EDN3: variants seen among roughly 807,000 people sequenced by gnomAD.
EDN3 encodes the protein endothelin-3.
In EDN3, 9 loss-of-function variants were observed where a neutral mutation model predicts 21.4. That is an observed-to-expected ratio of 0.42 (90% CI 0.25 to 0.73). The LOEUF is 0.73. Among genes scored for constraint, EDN3 ranks in the 30% least tolerant of loss-of-function variants. The pLI is 0.26. For missense variants in EDN3, 327 were observed against 309.4 expected (o/e 1.06, Z -0.43); for synonymous variants, 133 against 126.2 (o/e 1.05, Z -0.36).
chr20:59,316,907 T>C (rs1990221721), intron 2 of EDN3, among the ~76,000 whole-genome samples: 1 of 152,198 alleles, frequency 6.6e-6, no homozygotes, highest in South Asian at 2.1e-4. Flanking sequence ...CTAAGGATAT[T>C]TGGATTAATC....
chr20:59,306,555 A>G (rs1348713660), intron 2 of EDN3, among the ~76,000 whole-genome samples: 1 of 140,720 alleles, frequency 7.1e-6, no homozygotes, highest in Non-Finnish European at 1.5e-5. Context: ...CAGGAATGCC[A>G]TTTCTTTTGA....
At chr20:59,309,577 G>A (rs185259427) in intron 2 of EDN3, among the ~76,000 whole-genome samples, 1 of 152,304 alleles carries the variant, frequency 6.6e-6, no homozygotes, top group Admixed American at 6.5e-5. Context: ...CCCTGAGCTT[G>A]AGGTTCTGAC....
rs148724538 is a variant in EDN3, at chr20:59,312,157, A to C, written c.366-8860A>C. On this transcript the variant is annotated intron_variant, in intron 2 of 4. Coordinates refer to ENST00000337938, the MANE Select transcript of EDN3 (RefSeq NM_207034.3). Reference sequence around the variant, plus strand: ...CCTGTCTGTCTGCAGCTTTGCATAAAGTTATAATGAGGCTGGGCCAGGCAG... The same window carrying C: ...CCTGTCTGTCTGCAGCTTTGCATAACGTTATAATGAGGCTGGGCCAGGCAG... 2.0e-5 allele frequency among the ~76,000 whole-genome samples: 3 copies of C among 152,248 alleles called. No individual in the cohort carries two copies. In the East Asian group the frequency reaches 5.8e-4, roughly 29 times the overall value.
chr20:59,303,827 A>T (rs1989212965), intron 2 of EDN3, among the ~76,000 whole-genome samples: 1 of 152,034 alleles, frequency 6.6e-6, no homozygotes, highest in South Asian at 2.1e-4. Flanking sequence ...CTGAAGTGTG[A>T]TTTACCTCTT....
rs905373892 is a variant in EDN3 at position 59,305,183 on chromosome 20, A to G, written c.365+3461A>G. ...AGGCTGCTGGGATCACAGTTCATCA[A>G]TGGGATAGCATGATTTCCATTAGCC... On this transcript the variant is annotated intron_variant, in intron 2 of 4. Transcript: ENST00000337938. This position sits in a 1 kb window ranked among gnomAD's most constrained non-coding sequence, Gnocchi z 4.2. Among the ~76,000 whole-genome samples the G allele has an allele frequency of 1.3e-5, 2 of 152,182 alleles. No individual in the cohort carries two copies. The highest frequency in any genetic ancestry group is 2.9e-5 in the Non-Finnish European group (2 of 68,032).
rs1038241486 is a variant in EDN3, at chr20:59,325,375, G to A, written c.*916G>A. ...ATATAAATTGGCAACAACTTATACC[G>A]TCTGACAGTTCAAAATCTCTTTCAG... On this transcript the variant is annotated 3_prime_UTR_variant, in exon 5 of 5. Transcript: ENST00000337938. 9 of 152,452 alleles carry A rather than the reference G, an allele frequency of 5.9e-5. No homozygotes were observed. The highest frequency in any genetic ancestry group is 2.0e-4 in the Admixed American group (3 of 15,270). 9.4% of individuals were successfully genotyped at this position (152,452 alleles called of 1,614,324 possible).
rs753482233 is a variant in EDN3 at position 59,321,123 on chromosome 20, C to T, written c.472C>T (p.Arg158Cys). 6 of 1,614,232 alleles carry T rather than the reference C, an allele frequency of 3.7e-6. No individual in the cohort carries two copies. Among genetic ancestry groups the T allele is most frequent in the South Asian group, 1.1e-5 (1 of 91,084 alleles). ...NLQLSHRPHL[R>C]CACVGRYDKA... The stretch of plus-strand genomic sequence containing the variant: ...GCAGCTCTCACATCGGCCACACTTG[C>T]GCTGCGCTTGTGTGGGGAGATATGA... The change falls in exon 3 of 5, where the codon CGC becomes TGC. Residue 158 changes from arginine to cysteine, a missense_variant. Arg to Cys is a radical substitution (Grantham distance 180). Coordinates refer to ENST00000337938, the MANE Select transcript of EDN3 (RefSeq NM_207034.3).
At chr20:59,316,992 T>C (rs1262918872) in intron 2 of EDN3, among the ~76,000 whole-genome samples, 1 of 152,200 alleles carries the variant, frequency 6.6e-6, no homozygotes, top group Non-Finnish European at 1.5e-5. Context: ...GCTGCCTACT[T>C]GTATAAAGGA....
chr20:59,305,992 C>T lies in EDN3; in HGVS notation c.365+4270C>T, dbSNP rs1358127164. Among the ~76,000 whole-genome samples the T allele has an allele frequency of 9.9e-5, 15 of 152,162 alleles. No homozygotes were observed. The highest frequency in any genetic ancestry group is 2.1e-4 in the Non-Finnish European group (14 of 68,032). On this transcript the variant is annotated intron_variant, in intron 2 of 4. Transcript: ENST00000337938. The surrounding 1 kb of genome is among the most constrained non-coding windows in gnomAD (Gnocchi z 4.2). ...TGTCAGCTCGAACCACATTTCATGG[C>T]GGACCAGCCCCTCAGAGCCTGGCTG... is the stretch of plus-strand genomic sequence containing the variant.
intron 2 of EDN3, among the ~76,000 whole-genome samples, chr20:59,310,522 T>C (rs188148458): frequency 1.5e-3 from 221 of 152,286 alleles, no homozygotes; most frequent in African/African-American, 4.8e-3. Context: ...TCAGCTCTCT[T>C]TCTCATCTGC....
At chr20:59,302,790 C>T (rs1213659011) in intron 2 of EDN3, among the ~76,000 whole-genome samples, 2 of 152,174 alleles carry the variant, frequency 1.3e-5, no homozygotes, top group South Asian at 2.1e-4. Flanking sequence ...GCCACCGTGT[C>T]CCGGAGCCGT....
chr20:59,318,522 G>A (rs1009166605), intron 2 of EDN3, among the ~76,000 whole-genome samples: 1 of 152,194 alleles, frequency 6.6e-6, no homozygotes, highest in African/African-American at 2.4e-5. Context: ...CAATGTCAGC[G>A]GCAGGCTCTG....
intron 2 of EDN3, among the ~76,000 whole-genome samples, chr20:59,315,800 A>G (rs1463453495): frequency 1.3e-5 from 2 of 152,152 alleles, no homozygotes. Flanking sequence ...CTCTGAGATC[A>G]TTACCCGGCT....
At chr20:59,313,512 G>A (rs1600739163) in intron 2 of EDN3, among the ~76,000 whole-genome samples, 2 of 152,282 alleles carry the variant, frequency 1.3e-5, no homozygotes, top group Admixed American at 1.3e-4. Context: ...AAATCCAAAG[G>A]TTTTTTGAGG....
intron 2 of EDN3, among the ~76,000 whole-genome samples, chr20:59,303,061 GACACGTGC>G (rs1471163202): frequency 2.6e-5 from 4 of 152,228 alleles, no homozygotes; most frequent in African/African-American, 9.6e-5. Context: ...GAGCCAGCAG[GACACGTGC>G]ACAAAGTCCT....
At chr20:59,306,775 G>A (rs1206752327) in intron 2 of EDN3, among the ~76,000 whole-genome samples, 2 of 152,090 alleles carry the variant, frequency 1.3e-5, no homozygotes, top group Non-Finnish European at 1.5e-5. Context: ...CCAATAGAAC[G>A]GTTGGATCTG....
intron 2 of EDN3, among the ~76,000 whole-genome samples, chr20:59,314,968 A>G (rs1212503668): frequency 1.3e-5 from 2 of 152,162 alleles, no homozygotes; most frequent in Admixed American, 6.5e-5. Context: ...GAGATTGCAT[A>G]TGTAGGTGTG....
intron 2 of EDN3, among the ~76,000 whole-genome samples, chr20:59,316,274 G>A (rs1375429524): frequency 6.6e-6 from 1 of 152,232 alleles, no homozygotes; most frequent in Non-Finnish European, 1.5e-5. Context: ...AAAAGTGTAT[G>A]TGTGCAGGGC....
chr20:59,312,777 CT>C (rs1433198567), intron 2 of EDN3, among the ~76,000 whole-genome samples: 23 of 152,244 alleles, frequency 1.5e-4, no homozygotes, highest in African/African-American at 4.6e-4. Flanking sequence ...TGGTGAGGGC[CT>C]TTGGAAACAT....
Sources: gnomAD v4.1 joint callset for allele counts (sites outside exome capture counted in the v4.1 genomes callset) on GRCh38, gnomAD v4.1.1 for gene constraint, Gnocchi (gnomAD v3.1) non-coding constraint, MANE v1.5 for transcripts, NCBI Gene and HGNC (gene_info 2026-07-23, HGNC 2026-07-21) for gene names.